AHI1: variants seen among roughly 807,000 people sequenced by gnomAD.
AHI1 encodes Abelson helper integration site 1.
In AHI1, 123 loss-of-function variants were observed where a neutral mutation model predicts 149.3. That is an observed-to-expected ratio of 0.82 (90% confidence interval 0.71 to 0.96). The LOEUF is 0.96. Ranked by LOEUF, AHI1 falls within the 40% of genes least tolerant of loss-of-function variation. AHI1 has a pLI of 0.00. For synonymous variants in AHI1, 475 were observed against 459.8 expected (o/e 1.03, Z -0.42); for missense variants, 1,439 against 1,422.7 (o/e 1.01, Z -0.18).
chr6:135,287,374 G>A (rs935407707), intron 28 of AHI1, among the ~76,000 whole-genome samples: 1 of 152,168 alleles, frequency 6.6e-6, no homozygotes, highest in Non-Finnish European at 1.5e-5. Flanking sequence ...GAAACACACT[G>A]GATAGAGAAT....
chr6:135,410,952 T>C (rs1781495579), intron 21 of AHI1, among the ~76,000 whole-genome samples: 1 of 152,164 alleles, frequency 6.6e-6, no homozygotes, highest in Admixed American at 6.5e-5. Context: ...AAGTGATTCT[T>C]GTGCCTCAGC....
At chr6:135,349,588 T>C (rs2128423080) in intron 24 of AHI1, among the ~76,000 whole-genome samples, 1 of 152,334 alleles carries the variant, frequency 6.6e-6, no homozygotes, top group South Asian at 2.1e-4. Context: ...TTAAGCGGCA[T>C]GAAGTTTTCA....
chr6:135,489,936 T>C, intron 5 of AHI1: 1 of 348,102 alleles, frequency 2.9e-6, no homozygotes, highest in Non-Finnish European at 5.1e-6. Context: ...CACAAGAGCC[T>C]GTTTATTTTT....
intron 27 of AHI1, among the ~76,000 whole-genome samples, chr6:135,294,839 A>G (rs537912073): frequency 2.6e-5 from 4 of 152,144 alleles, no homozygotes; most frequent in Non-Finnish European, 4.4e-5. Context: ...ACAAGAAAAT[A>G]TAAGAGAAAA....
chr6:135,333,566 G>A (rs1240446417), intron 24 of AHI1, among the ~76,000 whole-genome samples: 1 of 152,190 alleles, frequency 6.6e-6, no homozygotes, highest in Non-Finnish European at 1.5e-5. Flanking sequence ...ATTGCACACA[G>A]TTTATTGCCT....
chr6:135,405,060 T>C, intron 21 of AHI1, 83 bp from the exon 22 acceptor site: 1 of 1,150,148 alleles, frequency 8.7e-7, no homozygotes, highest in Non-Finnish European at 1.3e-6. Flanking sequence ...ATGTTTATCT[T>C]CTAATAACCT....
chr6:135,318,650 T>C (rs1242017982), intron 25 of AHI1, 34 bp from the exon 26 acceptor site: 3 of 1,439,896 alleles, frequency 2.1e-6, no homozygotes, highest in East Asian at 4.7e-5. Flanking sequence ...TGTAATCAAA[T>C]TGAGGAGCAC....
At chr6:135,364,679 T>C (rs1334411581) in intron 23 of AHI1, among the ~76,000 whole-genome samples, 2 of 152,056 alleles carry the variant, frequency 1.3e-5, no homozygotes, top group Non-Finnish European at 2.9e-5. Context: ...CACTCGCGGT[T>C]AGGAGCTGGA....
At chr6:135,477,811 A>G (rs563417029) in intron 5 of AHI1, among the ~76,000 whole-genome samples, 2 of 152,054 alleles carry the variant, frequency 1.3e-5, no homozygotes, top group Admixed American at 1.3e-4. Context: ...CTCTTTTCTC[A>G]TAAATTACCC....
In AHI1 at chr6:135,481,644, G is replaced by A. The variant is rs764117794; in HGVS notation, c.135+8979C>T. On this transcript the variant is annotated intron_variant, in intron 5 of 28. Coordinates refer to ENST00000265602, the MANE Select transcript of AHI1 (RefSeq NM_001134831.2). ...TAAGAGAAAAATCCTTCTATATCAC[G>A]TTTACTATTTGTTGTGCTCTTCTTT... Among the ~76,000 whole-genome samples, 9 of 147,538 alleles carry A rather than the reference G, an allele frequency of 6.1e-5. No individual in the cohort carries two copies. The South Asian group carries it at 6.4e-4, about 10-fold the overall frequency.
chr6:135,309,147 G>C (rs1159582992), intron 26 of AHI1, among the ~76,000 whole-genome samples: 1 of 152,218 alleles, frequency 6.6e-6, no homozygotes, highest in African/African-American at 2.4e-5. Flanking sequence ...GAGTAGGAGA[G>C]AGTCCCTATT....
At chr6:135,430,671 T>C (rs543397862) in intron 17 of AHI1, among the ~76,000 whole-genome samples, 5 of 151,950 alleles carry the variant, frequency 3.3e-5, no homozygotes, top group Non-Finnish European at 7.4e-5. Flanking sequence ...CTGCTTAACA[T>C]ACAAGCTGTC....
At position 135,457,595 on chromosome 6, in the gene AHI1, G is replaced by A. The variant is rs1454558234; in HGVS notation, c.1050C>T (p.His350=). Residue 350 remains histidine, a synonymous_variant, in exon 9 of 29, where the codon CAC becomes CAT. Transcript: ENST00000265602. ...AATCTGACTTAAGTCTATCAGTTCG[G>A]TGAATGTAAACTCCCAAGACAAGGT... ...DDDLVLGVYI[H]RTDRLKSDFM... 1 of 1,613,886 alleles carries A rather than the reference G, an allele frequency of 6.2e-7. No individual in the cohort carries two copies. The highest frequency in any genetic ancestry group is 8.5e-7 in the Non-Finnish European group (1 of 1,179,856).
intron 5 of AHI1, among the ~76,000 whole-genome samples, chr6:135,487,479 T>C (rs188898425): frequency 6.6e-6 from 1 of 152,294 alleles, no homozygotes; most frequent in Admixed American, 6.5e-5. Flanking sequence ...GTTCTACATA[T>C]TTAACTGATT....
chr6:135,351,235 C>T (rs1440993207), intron 24 of AHI1, among the ~76,000 whole-genome samples: 2 of 151,906 alleles, frequency 1.3e-5, no homozygotes, highest in East Asian at 3.9e-4. Context: ...ATCTCCTTGA[C>T]CTAACTGGGA....
chr6:135,448,564 A>G lies in AHI1; in HGVS notation c.1441-89T>C, dbSNP rs970504885. 7 of 1,037,806 alleles carry G rather than the reference A, an allele frequency of 6.7e-6. No homozygotes were observed. The African/African-American group carries it at 9.6e-5, about 14-fold the overall frequency. 64.3% of individuals were successfully genotyped at this position (1,037,806 alleles called of 1,614,324 possible). On this transcript the variant is annotated intron_variant, in intron 11 of 28. Transcript: ENST00000265602. Reference sequence around the variant, plus strand: ...TAGCATAAAGTCAGAAACATTTTTAAAAGATTAATATGGCATGCTGAAATT... The same window carrying G: ...TAGCATAAAGTCAGAAACATTTTTAGAAGATTAATATGGCATGCTGAAATT...
chr6:135,415,401 A>G (rs1782224315), intron 20 of AHI1, among the ~76,000 whole-genome samples: 1 of 152,152 alleles, frequency 6.6e-6, no homozygotes, highest in African/African-American at 2.4e-5. Context: ...TGACTTCCAC[A>G]ATGGTTGAAC....
At chr6:135,396,628 C>T (rs953074356) in intron 22 of AHI1, among the ~76,000 whole-genome samples, 1 of 151,732 alleles carries the variant, frequency 6.6e-6, no homozygotes, top group Non-Finnish European at 1.5e-5. Context: ...GAGTTCTGTG[C>T]TTTCAAATGG....
chr6:135,309,145 G>A (rs1402291020), intron 26 of AHI1, among the ~76,000 whole-genome samples: 1 of 152,236 alleles, frequency 6.6e-6, no homozygotes, highest in African/African-American at 2.4e-5. Context: ...CGGAGTAGGA[G>A]AGAGTCCCTA....
Sources: gnomAD v4.1 joint callset for allele counts (sites outside exome capture counted in the v4.1 genomes callset) on GRCh38, gnomAD v4.1.1 for gene constraint, MANE v1.5 for transcripts, NCBI Gene and HGNC (gene_info 2026-07-23, HGNC 2026-07-21) for gene names.